Variants in TIMM23 observed in about 807,000 individuals in gnomAD.
TIMM23 encodes the protein translocase of inner mitochondrial membrane 23, also known as mitochondrial import inner membrane translocase subunit Tim23.
Under a neutral mutation model 30.7 loss-of-function variants are expected in TIMM23, and 19 were observed. The observed-to-expected ratio is 0.62, with a 90% confidence interval of 0.43 to 0.91. The LOEUF is 0.91. Among genes scored for constraint, TIMM23 ranks in the 40% least tolerant of loss-of-function variants. The pLI, the probability that TIMM23 is intolerant of heterozygous loss-of-function variation, is 0.00. For synonymous variants in TIMM23, 78 were observed against 98.5 expected, an observed-to-expected ratio of 0.79 and a Z score of 1.23; for missense variants, 202 against 269.2, an observed-to-expected ratio of 0.75 and a Z score of 1.75.
In TIMM23 at chr10:46,003,691, A is replaced by T. The variant is rs1201107211; in HGVS notation, c.*373A>T. The T allele has an allele frequency of 1.9e-5, 3 of 160,606 alleles. No homozygotes were observed. Among genetic ancestry groups the T allele is most frequent in the Non-Finnish European group, 4.1e-5 (3 of 73,568 alleles). The allele number at this position is 160,606 out of a possible 1,614,324, so 9.9% of individuals were successfully genotyped here. Reference sequence around the variant, plus strand: ...ATCCAAAACTGTAATGTTGCACTGTATTCCAAATAAAGGGTAAAAACAGAA... The same window carrying T: ...ATCCAAAACTGTAATGTTGCACTGTTTTCCAAATAAAGGGTAAAAACAGAA... On this transcript the variant is annotated 3_prime_UTR_variant, in exon 7 of 7. Coordinates refer to ENST00000580018, the MANE Select transcript of TIMM23 (RefSeq NM_006327.4).
intron 6 of TIMM23, among the ~76,000 whole-genome samples, chr10:46,000,118 G>A (rs920816189): frequency 1.5e-4 from 23 of 152,106 alleles, no homozygotes; most frequent in Non-Finnish European, 2.9e-5. Flanking sequence ...TGCGGTTAAC[G>A]CAATTATCAC....
intron 6 of TIMM23, among the ~76,000 whole-genome samples, chr10:45,990,372 C>G (rs1413316487): frequency 2.6e-5 from 4 of 152,036 alleles, no homozygotes; most frequent in Admixed American, 2.0e-4. Flanking sequence ...TTCCACCCTC[C>G]TCAGCCTCCC....
intron 6 of TIMM23, among the ~76,000 whole-genome samples, chr10:46,000,286 A>G (rs1249356168): frequency 6.6e-6 from 1 of 152,230 alleles, no homozygotes; most frequent in African/African-American, 2.4e-5. Context: ...AAAGACAGGC[A>G]TAAGAAATTA....
intron 6 of TIMM23, among the ~76,000 whole-genome samples, chr10:45,995,341 A>C (rs1387038372): frequency 6.6e-6 from 1 of 151,326 alleles, no homozygotes; most frequent in Non-Finnish European, 1.5e-5. Flanking sequence ...ATTAGATGCC[A>C]TACTATAGTG....
chr10:45,974,225 G>A (rs1837596564), intron 1 of TIMM23, among the ~76,000 whole-genome samples: 1 of 151,714 alleles, frequency 6.6e-6, no homozygotes, highest in African/African-American at 2.4e-5. Context: ...TAATACTGAG[G>A]TAAACCAACA....
rs782013689 is a variant in TIMM23 at position 45,993,244 on chromosome 10, C to CTTTTTTTTTT, written c.514+4405_514+4414dup. Among the ~76,000 whole-genome samples the CTTTTTTTTTT allele has an allele frequency of 4.4e-4, 32 of 72,040 alleles. 3 individuals carry two copies. The highest frequency in any genetic ancestry group is 1.1e-3 in the African/African-American group (16 of 14,734). The allele number at this position is 72,040 out of a possible 152,430, so 47.3% of individuals were successfully genotyped here. On this transcript the variant is annotated intron_variant, in intron 6 of 6. Coordinates refer to ENST00000580018, the MANE Select transcript of TIMM23 (RefSeq NM_006327.4). ...TTGCCAGTGTGAGCATCTACCATCA[C>CTTTTTTTTTT]TTTTTTTTTTTTTTTTTGGAGACTG...
rs111810618 is a variant in TIMM23, at chr10:46,000,399, C to A, written c.515-2804C>A. 6.0e-3 allele frequency among the ~76,000 whole-genome samples: 913 copies of A among 152,286 alleles called. 4 individuals carry two copies. The highest frequency in any genetic ancestry group is 0.034 in the Middle Eastern group (10 of 294). On this transcript the variant is annotated intron_variant, in intron 6 of 6. Coordinates refer to ENST00000580018, the MANE Select transcript of TIMM23 (RefSeq NM_006327.4). ...CCTCCGTTTGGGGTCCCTGACTTCC[C>A]GCAACAGATGGGGTCTCACCATGTT...
intron 5 of TIMM23, among the ~76,000 whole-genome samples, chr10:45,986,767 C>G (rs1838000254): frequency 6.7e-6 from 1 of 149,758 alleles, no homozygotes. Flanking sequence ...TCAAACCTCA[C>G]TTTTTTTTTA....
In TIMM23 at chr10:45,982,543, A is replaced by C; in HGVS notation, c.186A>C (p.Leu62Phe). Residue 62 changes from leucine to phenylalanine, a missense_variant, in exon 3 of 7, where the codon TTA becomes TTC. Coordinates refer to ENST00000580018, the MANE Select transcript of TIMM23 (RefSeq NM_006327.4). ...YLVQDTDEFI[L>F]PTGANKTRGR... is the part of the protein sequence containing the mutation. ...TTTAGGATACAGATGAGTTTATTTT[A>C]CCTACCGGAGCTAATAAAACCCGGG... The C allele has an allele frequency of 6.2e-7, 1 of 1,613,824 alleles. No homozygotes were observed. Among genetic ancestry groups the C allele is most frequent in the Non-Finnish European group, 8.5e-7 (1 of 1,179,834 alleles).
At chr10:45,982,639 T>G in intron 3 of TIMM23, 23 bp downstream of exon 3, 1 of 1,613,680 alleles carries the variant, frequency 6.2e-7, no homozygotes, top group East Asian at 2.2e-5. Context: ...TACTTTTTTC[T>G]CAAGAGTGCT....
intron 5 of TIMM23, 80 bp from the exon 6 acceptor site, chr10:45,988,657 G>A (rs1163264501): frequency 2.4e-5 from 23 of 943,668 alleles, no homozygotes; most frequent in Non-Finnish European, 4.0e-5. Context: ...TAGGAACCAT[G>A]GATGAAAACC....
chr10:46,001,724 A>G (rs1838544918), intron 6 of TIMM23, among the ~76,000 whole-genome samples: 1 of 152,190 alleles, frequency 6.6e-6, no homozygotes, highest in African/African-American at 2.4e-5. Flanking sequence ...CCTGAAGTTT[A>G]TGATCCCTAC....
intron 2 of TIMM23, among the ~76,000 whole-genome samples, chr10:45,977,097 T>G (rs1441742961): frequency 6.7e-6 from 1 of 149,484 alleles, no homozygotes; most frequent in Non-Finnish European, 1.5e-5. Context: ...AAAACATTAT[T>G]GAAATTAAGT....
intron 6 of TIMM23, among the ~76,000 whole-genome samples, chr10:45,995,951 A>C (rs1430073497): frequency 2.0e-5 from 3 of 149,830 alleles, no homozygotes; most frequent in African/African-American, 7.6e-5. Flanking sequence ...TGAATTACTG[A>C]AAAACAGAAT....
At chr10:45,979,037 C>G (rs1837761433) in intron 2 of TIMM23, among the ~76,000 whole-genome samples, 1 of 152,018 alleles carries the variant, frequency 6.6e-6, no homozygotes, top group Admixed American at 6.6e-5. Context: ...CACAAGAGAC[C>G]ACATATTGTG....
chr10:45,985,801 G>A (rs1425585864), intron 5 of TIMM23, among the ~76,000 whole-genome samples: 1 of 152,188 alleles, frequency 6.6e-6, no homozygotes, highest in African/African-American at 2.4e-5. Flanking sequence ...AGTGATACAT[G>A]ATAAATTAAT....
intron 4 of TIMM23, among the ~76,000 whole-genome samples, chr10:45,983,727 A>C (rs1234840535): frequency 6.6e-6 from 1 of 152,138 alleles, no homozygotes; most frequent in Non-Finnish European, 1.5e-5. Flanking sequence ...GACCATGGGA[A>C]ACTGGAAGGC....
intron 1 of TIMM23, among the ~76,000 whole-genome samples, chr10:45,974,195 T>C (rs1554912493): frequency 1.3e-5 from 2 of 151,944 alleles, no homozygotes; most frequent in African/African-American, 4.8e-5. Flanking sequence ...AAGAGGACTC[T>C]TGCGCTCACA....
At chr10:45,972,867 G>A (rs1554912104) in intron 1 of TIMM23, 137 bp downstream of exon 1, 3 of 1,486,234 alleles carry the variant, frequency 2.0e-6, no homozygotes, top group South Asian at 1.3e-5. Context: ...GGTGGGGTTA[G>A]TGTATCTGCA....
Sources: gnomAD v4.1 joint callset for allele counts (sites outside exome capture counted in the v4.1 genomes callset) on GRCh38, gnomAD v4.1.1 for gene constraint, MANE v1.5 for transcripts, NCBI Gene and HGNC (gene_info 2026-07-23, HGNC 2026-07-21) for gene names.